RGS3: variants seen among roughly 807,000 people sequenced by gnomAD.
The protein encoded by RGS3 is regulator of G protein signaling 3.
Under a neutral mutation model 132.6 loss-of-function variants are expected in RGS3, and 80 were observed. That is an observed-to-expected ratio of 0.60 (90% CI 0.50 to 0.73). The LOEUF (loss-of-function observed/expected upper bound fraction) is 0.73. Ranked by LOEUF, RGS3 falls within the 30% of genes least tolerant of loss-of-function variation. The pLI, the probability that RGS3 is intolerant of heterozygous loss-of-function variation, is 0.00. For synonymous variants in RGS3, 598 were observed against 620.6 expected, an observed-to-expected ratio of 0.96 and a Z score of 0.54; for missense variants, 1,382 against 1,530.8, an observed-to-expected ratio of 0.90 and a Z score of 1.62.
At chr9:113,445,431 C>T (rs1829080168) in intron 1 of RGS3, among the ~76,000 whole-genome samples, 1 of 152,060 alleles carries the variant, frequency 6.6e-6, no homozygotes, top group Admixed American at 6.6e-5. Flanking sequence ...ACTCTGCCCT[C>T]AGGTGATCTG....
intron 24 of RGS3, among the ~76,000 whole-genome samples, chr9:113,595,976 T>C (rs1009260905): frequency 2.0e-5 from 3 of 152,240 alleles, no homozygotes; most frequent in African/African-American, 4.8e-5. Flanking sequence ...CACTGCCGCA[T>C]GCCAGGCATG....
At chr9:113,481,479 C>T (rs1038224554) in intron 4 of RGS3, among the ~76,000 whole-genome samples, 11 of 152,222 alleles carry the variant, frequency 7.2e-5, no homozygotes, top group South Asian at 6.2e-4. Flanking sequence ...GTCCTCTGGT[C>T]ATGGCCATGG....
intron 17 of RGS3, among the ~76,000 whole-genome samples, chr9:113,523,594 G>C (rs1325487640): frequency 6.6e-6 from 1 of 152,136 alleles, no homozygotes; most frequent in Admixed American, 6.5e-5. Flanking sequence ...AAGCCGCTGG[G>C]GCTCAGGCAC....
At chr9:113,594,072 TC>T in intron 21 of RGS3, 1 of 1,613,002 alleles carries the variant, frequency 6.2e-7, no homozygotes, top group Non-Finnish European at 8.5e-7. Flanking sequence ...TCCTGGTCCC[TC>T]CCATTTCCTG....
chr9:113,558,177 C>T lies in RGS3; in HGVS notation c.2037+21259C>T, dbSNP rs188166613. On this transcript the variant is annotated intron_variant, in intron 19 of 24. Transcript: ENST00000350696. ...CTGCAAAATTCTGTGATTAATTGCA[C>T]GGGGAGTGTTTGGGAGAAGAATGGT... 1.2e-3 allele frequency among the ~76,000 whole-genome samples: 178 copies of T among 152,192 alleles called. 1 individual carries two copies. The highest frequency in any genetic ancestry group is 2.6e-3 in the African/African-American group (108 of 41,530).
intron 19 of RGS3, among the ~76,000 whole-genome samples, chr9:113,578,902 C>A (rs188045669): frequency 1.6e-3 from 246 of 152,308 alleles, no homozygotes; most frequent in Non-Finnish European, 2.9e-3. Context: ...GGCATCCTCA[C>A]CCACTTTCAT....
At position 113,584,141 on chromosome 9, in the gene RGS3, G is replaced by T. The variant is rs199501915; in HGVS notation, c.2729G>T (p.Arg910Leu). The T allele has an allele frequency of 3.1e-6, 5 of 1,614,134 alleles. No homozygotes were observed. The highest frequency in any genetic ancestry group is 4.2e-6 in the Non-Finnish European group (5 of 1,180,056). The change falls in exon 20 of 25, where the codon CGC (arginine) becomes CTC (leucine). Residue 910 changes from arginine to leucine, a missense_variant. By Grantham distance (102) the Arg-to-Leu change is moderately radical (BLOSUM62 -2). Coordinates refer to ENST00000350696, the Ensembl canonical transcript of RGS3. ...ACCAGCGATGACAACTACGGAGAGC[G>T]CAGTGAGGCCAAGCGCAGCAGCATG...
intron 1 of RGS3, among the ~76,000 whole-genome samples, chr9:113,453,692 A>G (rs866891088): frequency 1.5e-3 from 40 of 27,060 alleles, no homozygotes; most frequent in South Asian, 3.4e-3. Context: ...TACTCATTAT[A>G]TGATTATATA....
chr9:113,460,638 T>A (rs1245610187), intron 1 of RGS3, among the ~76,000 whole-genome samples: 5 of 152,230 alleles, frequency 3.3e-5, no homozygotes, highest in Non-Finnish European at 7.3e-5. Flanking sequence ...AATTATCCCC[T>A]TGAACTTTCT....
intron 6 of RGS3, among the ~76,000 whole-genome samples, chr9:113,485,232 C>T (rs556552339): frequency 3.3e-5 from 5 of 152,168 alleles, no homozygotes; most frequent in East Asian, 3.9e-4. Flanking sequence ...GGACTACAGG[C>T]GCCTGCCGCC....
intron 19 of RGS3, chr9:113,580,779 G>A (rs573619341): frequency 1.8e-4 from 178 of 985,386 alleles, no homozygotes; most frequent in Non-Finnish European, 4.5e-5. Context: ...GCAGAGGCAG[G>A]CTGACTTGCA....
intron 7 of RGS3, among the ~76,000 whole-genome samples, chr9:113,490,774 CTT>C (rs1246976874): frequency 4.0e-5 from 5 of 124,688 alleles, no homozygotes; most frequent in South Asian, 2.3e-4. Flanking sequence ...ATATATATAA[CTT>C]AAATATAATT....
At chr9:113,511,081 G>A (rs1016959875) in intron 14 of RGS3, among the ~76,000 whole-genome samples, 8 of 152,180 alleles carry the variant, frequency 5.3e-5, no homozygotes, top group Non-Finnish European at 2.9e-5. Context: ...GTTGAATAGG[G>A]TCTGGTGCCC....
intron 17 of RGS3, among the ~76,000 whole-genome samples, chr9:113,526,355 G>A (rs924907815): frequency 1.3e-5 from 2 of 152,314 alleles, no homozygotes; most frequent in African/African-American, 4.8e-5. Flanking sequence ...CAGTGCTGGG[G>A]TGGTAGCAGT....
intron 1 of RGS3, among the ~76,000 whole-genome samples, chr9:113,461,357 T>A (rs773124886): frequency 2.6e-5 from 4 of 152,160 alleles, no homozygotes; most frequent in Non-Finnish European, 4.4e-5. Context: ...TTCTGGATGT[T>A]GCTTTTGGAC....
chr9:113,488,656 G>A (rs1830411523), intron 7 of RGS3, among the ~76,000 whole-genome samples: 1 of 152,198 alleles, frequency 6.6e-6, no homozygotes, highest in Admixed American at 6.5e-5. Context: ...GCGTCATGGG[G>A]CAGTGTCTCC....
chr9:113,568,199 T>C (rs1834095377), intron 19 of RGS3, among the ~76,000 whole-genome samples: 1 of 152,252 alleles, frequency 6.6e-6, no homozygotes, highest in East Asian at 1.9e-4. Context: ...CAGGCCTCTC[T>C]GTACTGCACC....
At chr9:113,555,950 C>A (rs896250647) in intron 19 of RGS3, among the ~76,000 whole-genome samples, 4 of 152,286 alleles carry the variant, frequency 2.6e-5, no homozygotes, top group Admixed American at 2.6e-4. Flanking sequence ...GTCTGTAGAG[C>A]TTTCTTGAGT....
At chr9:113,594,844 G>A in intron 22 of RGS3, 75 bp from the exon 21 acceptor site, 1 of 1,450,694 alleles carries the variant, frequency 6.9e-7, no homozygotes, top group East Asian at 2.3e-5. Flanking sequence ...GTAAACAAAG[G>A]CCGCCTGGCC....
Sources: gnomAD v4.1 joint callset for allele counts (sites outside exome capture counted in the v4.1 genomes callset) on GRCh38, gnomAD v4.1.1 for gene constraint, MANE v1.5 for transcripts, NCBI Gene and HGNC (gene_info 2026-07-23, HGNC 2026-07-21) for gene names.